The following TBCA variants were observed in gnomAD, a reference collection of about 807,000 sequenced individuals.
TBCA encodes tubulin-specific chaperone A.
In TBCA, 6 loss-of-function variants were observed where a neutral mutation model predicts 15.8. That is an observed-to-expected ratio of 0.38 (90% CI 0.21 to 0.75). The LOEUF (loss-of-function observed/expected upper bound fraction) is 0.75. TBCA is among the 30% of genes least tolerant of loss of function. The probability of loss-of-function intolerance (pLI) is 0.46; values close to 1 mark genes in which losing one functional copy is unlikely to be tolerated. For missense variants in TBCA, 90 were observed against 131.2 expected, an observed-to-expected ratio of 0.69 and a Z score of 1.53; for synonymous variants, 32 against 42.3, an observed-to-expected ratio of 0.76 and a Z score of 0.94.
At chr5:77,770,758 G>C (rs1747888339) in intron 1 of TBCA, among the ~76,000 whole-genome samples, 1 of 151,282 alleles carries the variant, frequency 6.6e-6, no homozygotes, top group Non-Finnish European at 1.5e-5. Context: ...CAAAGAGCCA[G>C]CTACACCCAA....
At chr5:77,733,310 A>T (rs913377704) in intron 1 of TBCA, among the ~76,000 whole-genome samples, 2 of 152,214 alleles carry the variant, frequency 1.3e-5, no homozygotes, top group Non-Finnish European at 2.9e-5. Flanking sequence ...GAAATGATTA[A>T]GCTCAGTGGG....
intron 1 of TBCA, among the ~76,000 whole-genome samples, chr5:77,771,928 T>C (rs898528000): frequency 1.3e-5 from 2 of 152,142 alleles, no homozygotes; most frequent in Non-Finnish European, 1.5e-5. Flanking sequence ...ATTGAAGGAT[T>C]TGGGGCATGA....
chr5:77,776,173 G>A (rs770459265), intron 1 of TBCA, 32 bp downstream of exon 1: 13 of 1,551,966 alleles, frequency 8.4e-6, no homozygotes, highest in South Asian at 2.4e-5. Flanking sequence ...GTGACGAAGA[G>A]GAGGTGCAGG....
At chr5:77,728,887 T>C (rs1008869264) in intron 1 of TBCA, among the ~76,000 whole-genome samples, 3 of 152,070 alleles carry the variant, frequency 2.0e-5, no homozygotes, top group Non-Finnish European at 2.9e-5. Flanking sequence ...GTAGCCAAGT[T>C]TCTAGTTCTC....
At chr5:77,743,283 T>A (rs1243182353) in intron 1 of TBCA, among the ~76,000 whole-genome samples, 2 of 152,228 alleles carry the variant, frequency 1.3e-5, no homozygotes, top group Non-Finnish European at 2.9e-5. Flanking sequence ...TTTTGCTACT[T>A]AATAAATGTG....
Position 77,713,474 on chromosome 5 carries a change from A to C in TBCA, c.54-5127T>G, listed in dbSNP as rs564624200. Among the ~76,000 whole-genome samples, 171 of 152,324 alleles carry C rather than the reference A, an allele frequency of 1.1e-3. 2 individuals are homozygous for C. Among genetic ancestry groups the C allele is most frequent in the African/African-American group, 3.9e-3 (164 of 41,570 alleles). The stretch of plus-strand genomic sequence containing the variant: ...TTAAGCCATTCCCTTATTATAAATA[A>C]TACTGTGATGAGCATCCCTACCTAC... On this transcript the variant is annotated intron_variant, in intron 1 of 3. Transcript: ENST00000380377.
rs181597632 is a variant in TBCA, at chr5:77,732,715, C to T, written c.54-24368G>A. On this transcript the variant is annotated intron_variant, in intron 1 of 3. Transcript: ENST00000380377. ...TTGTTCACTATTATTATATATTTTA[C>T]GGTGATTTGTGATCACTGACCTTTT... Among the ~76,000 whole-genome samples, 386 of 152,172 alleles carry T rather than the reference C, an allele frequency of 2.5e-3. 2 individuals are homozygous for T. Among genetic ancestry groups the T allele is most frequent in the Admixed American group, 6.6e-3 (101 of 15,280 alleles).
At chr5:77,715,496 T>C (rs1467248487) in intron 1 of TBCA, among the ~76,000 whole-genome samples, 1 of 152,162 alleles carries the variant, frequency 6.6e-6, no homozygotes, top group East Asian at 1.9e-4. Context: ...AATAAAGAAG[T>C]CATGTTTTTT....
At chr5:77,720,174 C>A (rs1213473522) in intron 1 of TBCA, among the ~76,000 whole-genome samples, 1 of 152,104 alleles carries the variant, frequency 6.6e-6, no homozygotes, top group African/African-American at 2.4e-5. Context: ...CATCTCACAA[C>A]CTTTGCGGTA....
intron 2 of TBCA, chr5:77,705,713 A>G (rs1746135023): frequency 2.5e-6 from 1 of 396,174 alleles, no homozygotes; most frequent in Admixed American, 4.4e-5. Context: ...CTGTAGTCCC[A>G]GCTACTCTGG....
intron 1 of TBCA, among the ~76,000 whole-genome samples, chr5:77,729,940 C>T (rs573710575): frequency 2.0e-5 from 3 of 152,150 alleles, no homozygotes; most frequent in African/African-American, 7.2e-5. Flanking sequence ...TTACTTTATC[C>T]TGAGATTAAA....
Position 77,733,672 on chromosome 5 carries a change from A to G in TBCA, c.54-25325T>C, listed in dbSNP as rs546432202. ...TTTAAGAAAAGAAGACATCTCCATA[A>G]CATCAAAGTGCAAGGGGAAGCAGCA... On this transcript the variant is annotated intron_variant, in intron 1 of 3. Coordinates refer to ENST00000380377, the MANE Select transcript of TBCA (RefSeq NM_004607.3). Among the ~76,000 whole-genome samples the G allele has an allele frequency of 3.9e-5, 6 of 152,360 alleles. No individual in the cohort carries two copies. The East Asian group carries it at 7.7e-4, about 20-fold the overall frequency.
chr5:77,693,090 C>T, intron 3 of TBCA, 176 bp downstream of exon 3: 1 of 1,464,846 alleles, frequency 6.8e-7, no homozygotes, highest in South Asian at 1.4e-5. Flanking sequence ...TTACTGGAGG[C>T]ATAATTCAAA....
intron 2 of TBCA, among the ~76,000 whole-genome samples, chr5:77,706,877 T>C (rs1040414603): frequency 4.7e-5 from 7 of 149,084 alleles, no homozygotes; most frequent in African/African-American, 1.7e-4. Context: ...TGATATTAGA[T>C]GTGGTTATGA....
At chr5:77,765,336 G>A (rs1021111497) in intron 1 of TBCA, among the ~76,000 whole-genome samples, 1 of 152,060 alleles carries the variant, frequency 6.6e-6, no homozygotes, top group Non-Finnish European at 1.5e-5. Context: ...GACCCCAAGG[G>A]GTTCCTAGAC....
intron 1 of TBCA, among the ~76,000 whole-genome samples, chr5:77,759,150 G>C (rs995966024): frequency 2.6e-5 from 4 of 152,200 alleles, no homozygotes; most frequent in Admixed American, 1.3e-4. Context: ...ATACATGTAA[G>C]ATTTGCATTG....
intron 2 of TBCA, among the ~76,000 whole-genome samples, chr5:77,704,034 A>G (rs2112432901): frequency 6.6e-6 from 1 of 152,146 alleles, no homozygotes; most frequent in East Asian, 1.9e-4. Context: ...TCCCCTTCAC[A>G]TTCTGCCATG....
At chr5:77,702,571 T>C (rs949380923) in intron 2 of TBCA, among the ~76,000 whole-genome samples, 2 of 152,194 alleles carry the variant, frequency 1.3e-5, no homozygotes, top group East Asian at 1.9e-4. Context: ...TCCATCTTGA[T>C]TGGTTGCTGC....
At chr5:77,768,231 T>A (rs1353568854) in intron 1 of TBCA, among the ~76,000 whole-genome samples, 1 of 152,194 alleles carries the variant, frequency 6.6e-6, no homozygotes, top group Non-Finnish European at 1.5e-5. Context: ...ATGAGAGCAG[T>A]TAGCATTTAT....
Sources: allele counts gnomAD v4.1 joint callset (sites outside exome capture counted in the v4.1 genomes callset), GRCh38; gene constraint gnomAD v4.1.1; transcripts MANE v1.5; gene names NCBI Gene and HGNC (gene_info 2026-07-23, HGNC 2026-07-21).